Variants in ZMAT4 observed in about 807,000 individuals in gnomAD.
ZMAT4 encodes zinc finger matrin-type 4.
A neutral mutation model predicts 28.7 loss-of-function variants in ZMAT4; 17 were observed. The ratio of observed to expected loss-of-function variants is 0.59; its 90% CI spans 0.41 to 0.89. ZMAT4 has a LOEUF of 0.89. Among genes scored for constraint, ZMAT4 ranks in the 40% least tolerant of loss-of-function variants. The probability of loss-of-function intolerance (pLI) is 0.00; values close to 1 mark genes in which losing one functional copy is unlikely to be tolerated. For synonymous variants in ZMAT4, 117 were observed against 109.2 expected (o/e 1.07, Z -0.44); for missense variants, 240 against 283.8 (o/e 0.85, Z 1.11).
At chr8:40,787,465 CA>C (rs1442704856) in intron 2 of ZMAT4, among the ~76,000 whole-genome samples, 1 of 152,236 alleles carries the variant, frequency 6.6e-6, no homozygotes, top group Non-Finnish European at 1.5e-5. Flanking sequence ...TTTTTCTTCA[CA>C]ATTTCATGGA....
chr8:40,674,336 T>G, intron 5 of ZMAT4: 1 of 185,868 alleles, frequency 5.4e-6, no homozygotes, highest in Non-Finnish European at 1.1e-5. Context: ...TCAGGCAATC[T>G]GCCCACCTCA....
intron 1 of ZMAT4, among the ~76,000 whole-genome samples, chr8:40,826,217 C>G (rs1816033875): frequency 6.6e-6 from 1 of 152,198 alleles, no homozygotes; most frequent in South Asian, 2.1e-4. Context: ...GTTAAATGAA[C>G]TTTGATATAT....
At chr8:40,856,591 T>C (rs1008397933) in intron 1 of ZMAT4, among the ~76,000 whole-genome samples, 2 of 152,100 alleles carry the variant, frequency 1.3e-5, no homozygotes, top group African/African-American at 4.8e-5. Context: ...TACAGGCAGG[T>C]GGTAGCATAA....
chr8:40,721,935 A>G (rs1811118284), intron 3 of ZMAT4, among the ~76,000 whole-genome samples: 2 of 152,002 alleles, frequency 1.3e-5, no homozygotes, highest in African/African-American at 4.8e-5. Context: ...AGGATTCCCT[A>G]TTTAATAAAT....
chr8:40,780,682 C>T (rs1813790749), intron 2 of ZMAT4, among the ~76,000 whole-genome samples: 1 of 152,068 alleles, frequency 6.6e-6, no homozygotes, highest in African/African-American at 2.4e-5. Flanking sequence ...ATAAAGCAGA[C>T]ATATTAGGTA....
chr8:40,669,546 A>T (rs1201168388), intron 5 of ZMAT4, among the ~76,000 whole-genome samples: 1 of 151,944 alleles, frequency 6.6e-6, no homozygotes, highest in African/African-American at 2.4e-5. Flanking sequence ...CCTACTCAAC[A>T]TGAAGATGAT....
intron 5 of ZMAT4, among the ~76,000 whole-genome samples, chr8:40,653,581 G>T (rs1807783072): frequency 6.6e-6 from 1 of 152,030 alleles, no homozygotes; most frequent in Non-Finnish European, 1.5e-5. Flanking sequence ...CATCACTAAT[G>T]ATCTTACTAA....
intron 1 of ZMAT4, among the ~76,000 whole-genome samples, chr8:40,854,207 A>G (rs573207260): frequency 6.6e-6 from 1 of 152,298 alleles, no homozygotes; most frequent in East Asian, 1.9e-4. Flanking sequence ...CGCATAGTAA[A>G]CTATATCAGA....
chr8:40,567,685 A>C (rs1222731644), intron 6 of ZMAT4, among the ~76,000 whole-genome samples: 3 of 151,354 alleles, frequency 2.0e-5, no homozygotes, highest in Non-Finnish European at 4.4e-5. Flanking sequence ...CCTGGGGGAC[A>C]GAGCAAGACT....
intron 5 of ZMAT4, among the ~76,000 whole-genome samples, chr8:40,589,731 C>CCTTTCTTTCTTTCGTT (rs1804795926): frequency 7.2e-6 from 1 of 139,274 alleles, no homozygotes; most frequent in African/African-American, 2.7e-5. Flanking sequence ...TTCTTCCTTT[C>CCTTTCTTTCTTTCGTT]CTTTCTTTCT....
intron 6 of ZMAT4, among the ~76,000 whole-genome samples, chr8:40,537,013 C>T (rs1376604032): frequency 6.6e-6 from 1 of 151,990 alleles, no homozygotes; most frequent in African/African-American, 2.4e-5. Context: ...CTCTGTATGA[C>T]AACCAAATCT....
At chr8:40,706,029 T>C (rs1230104974) in intron 3 of ZMAT4, among the ~76,000 whole-genome samples, 2 of 152,058 alleles carry the variant, frequency 1.3e-5, no homozygotes, top group African/African-American at 4.8e-5. Flanking sequence ...CAGAACTGAG[T>C]ATTTACTTAT....
chr8:40,781,724 T>C (rs1280887404), intron 2 of ZMAT4, among the ~76,000 whole-genome samples: 1 of 114,122 alleles, frequency 8.8e-6, no homozygotes, highest in Middle Eastern at 7.9e-3. Context: ...ATCCCGCCAC[T>C]GCACTCCAGC....
intron 2 of ZMAT4, among the ~76,000 whole-genome samples, chr8:40,773,806 CAA>C (rs1352009338): frequency 6.7e-6 from 1 of 149,598 alleles, no homozygotes; most frequent in Non-Finnish European, 1.5e-5. Flanking sequence ...ATGTAGAAGT[CAA>C]GATAGAGACA....
intron 3 of ZMAT4, among the ~76,000 whole-genome samples, chr8:40,755,983 C>CA (rs1206886504): frequency 3.9e-5 from 6 of 152,126 alleles, no homozygotes; most frequent in Non-Finnish European, 1.5e-5. Flanking sequence ...CAGGTGGGAA[C>CA]AGCAGGCCTG....
At chr8:40,727,794 C>T (rs560676399) in intron 3 of ZMAT4, among the ~76,000 whole-genome samples, 11 of 148,442 alleles carry the variant, frequency 7.4e-5, no homozygotes, top group Admixed American at 4.1e-4. Flanking sequence ...TTATCTCTCT[C>T]GATCTTAAGA....
chr8:40,747,531 T>A (rs1319216718), intron 3 of ZMAT4, among the ~76,000 whole-genome samples: 1 of 151,532 alleles, frequency 6.6e-6, no homozygotes, highest in East Asian at 1.9e-4. Flanking sequence ...TCTTTCCCCT[T>A]TTTTTTGCAT....
intron 2 of ZMAT4, among the ~76,000 whole-genome samples, chr8:40,784,904 T>C (rs1251878566): frequency 6.6e-6 from 1 of 152,218 alleles, no homozygotes; most frequent in Non-Finnish European, 1.5e-5. Context: ...AAACATATTA[T>C]GAACTTTTAA....
At chr8:40,540,594 A>G (rs182351081) in intron 6 of ZMAT4, among the ~76,000 whole-genome samples, 2 of 152,304 alleles carry the variant, frequency 1.3e-5, no homozygotes, top group Non-Finnish European at 2.9e-5. Flanking sequence ...GAGTTCTGAC[A>G]TTCCTTCTAG....
Sources: allele counts gnomAD v4.1 joint callset (sites outside exome capture counted in the v4.1 genomes callset), GRCh38; gene constraint gnomAD v4.1.1; transcripts MANE v1.5; gene names NCBI Gene and HGNC (gene_info 2026-07-23, HGNC 2026-07-21).